The following CHN2 variants were observed in gnomAD, a reference collection of about 807,000 sequenced individuals.
The protein encoded by CHN2 is beta-chimaerin.
A neutral mutation model predicts 56.3 loss-of-function variants in CHN2; 35 were observed. The ratio of observed to expected loss-of-function variants is 0.62; its 90% CI spans 0.47 to 0.82. The LOEUF (loss-of-function observed/expected upper bound fraction) is 0.82. Ranked by LOEUF, CHN2 falls within the 40% of genes least tolerant of loss-of-function variation. The probability of loss-of-function intolerance (pLI) is 0.00; values close to 1 mark genes in which losing one functional copy is unlikely to be tolerated. For synonymous variants in CHN2, 210 were observed against 212.8 expected (o/e 0.99, Z 0.12); for missense variants, 491 against 580.5 (o/e 0.85, Z 1.58).
At chr7:29,342,078 T>C (rs1300893788) in intron 1 of CHN2, among the ~76,000 whole-genome samples, 3 of 152,238 alleles carry the variant, frequency 2.0e-5, no homozygotes, top group Non-Finnish European at 4.4e-5. Flanking sequence ...CCTTTGTTGC[T>C]GGACTGAAGG....
intron 2 of CHN2, among the ~76,000 whole-genome samples, chr7:29,149,718 C>T (rs1793323576): frequency 6.6e-6 from 1 of 152,080 alleles, no homozygotes; most frequent in Non-Finnish European, 1.5e-5. Flanking sequence ...TCCTTCCTCG[C>T]TGCTTCTAGG....
At chr7:29,497,549 T>G (rs1465885037) in intron 8 of CHN2, among the ~76,000 whole-genome samples, 2 of 152,062 alleles carry the variant, frequency 1.3e-5, no homozygotes, top group Non-Finnish European at 2.9e-5. Flanking sequence ...TTCCAATGGC[T>G]ACTTTTTGGC....
At chr7:29,353,525 C>G (rs1182685336) in intron 1 of CHN2, among the ~76,000 whole-genome samples, 1 of 152,120 alleles carries the variant, frequency 6.6e-6, no homozygotes, top group Admixed American at 6.5e-5. Flanking sequence ...TGTGGTGGCG[C>G]ACACCTGTAA....
chr7:29,511,038 G>A (rs1437340789), intron 12 of CHN2, among the ~76,000 whole-genome samples: 1 of 152,160 alleles, frequency 6.6e-6, no homozygotes, highest in African/African-American at 2.4e-5. Context: ...GTGTGCCTCT[G>A]TGTTTTTGAA....
intron 2 of CHN2, among the ~76,000 whole-genome samples, chr7:29,157,148 G>C (rs1183222810): frequency 6.6e-6 from 1 of 152,122 alleles, no homozygotes; most frequent in African/African-American, 2.4e-5. Flanking sequence ...GAATAATGAA[G>C]AGCTGTCTTT....
At chr7:29,403,994 C>T (rs1029640186) in intron 6 of CHN2, among the ~76,000 whole-genome samples, 3 of 152,100 alleles carry the variant, frequency 2.0e-5, no homozygotes, top group East Asian at 1.9e-4. Flanking sequence ...TTGCCAGGTC[C>T]GTAGGGCAGG....
chr7:29,409,005 G>C (rs181042299), intron 6 of CHN2, among the ~76,000 whole-genome samples: 1 of 152,300 alleles, frequency 6.6e-6, no homozygotes, highest in East Asian at 1.9e-4. Flanking sequence ...AAACCTAACG[G>C]ATGTGAAAAT....
chr7:29,274,852 G>A (rs1475867713), intron 1 of CHN2, among the ~76,000 whole-genome samples: 1 of 152,204 alleles, frequency 6.6e-6, no homozygotes, highest in Non-Finnish European at 1.5e-5. Context: ...GCTGGCGGAA[G>A]GATGGTGTCT....
At chr7:29,470,470 T>C (rs188927341) in intron 6 of CHN2, among the ~76,000 whole-genome samples, 1 of 152,336 alleles carries the variant, frequency 6.6e-6, no homozygotes, top group Admixed American at 6.5e-5. Context: ...ATATTTTTAT[T>C]TGTGAAATTT....
intron 6 of CHN2, among the ~76,000 whole-genome samples, chr7:29,402,930 CTT>C (rs10534506): frequency 0.41 from 62,709 of 151,862 alleles, 14,920 homozygotes; most frequent in East Asian, 0.57. Flanking sequence ...TTAATAATCA[CTT>C]TGAATGAGCC....
chr7:29,400,510 C>G, intron 5 of CHN2, 33 bp from the exon 6 acceptor site: 1 of 1,603,570 alleles, frequency 6.2e-7, no homozygotes, highest in Non-Finnish European at 8.5e-7. Flanking sequence ...TTATTTCTAA[C>G]GTGGTTGTAA....
At chr7:29,213,135 A>G (rs1785082586) in intron 1 of CHN2, 7 of 1,557,142 alleles carry the variant, frequency 4.5e-6, no homozygotes, top group Non-Finnish European at 6.1e-6. Context: ...TAATAAGCAA[A>G]TGACTAGGTA....
intron 7 of CHN2, among the ~76,000 whole-genome samples, chr7:29,492,843 T>C (rs1788810814): frequency 6.6e-6 from 1 of 152,216 alleles, no homozygotes; most frequent in Non-Finnish European, 1.5e-5. Context: ...ACTTATTTCA[T>C]TGAACCTCTT....
At chr7:29,263,760 C>T in intron 1 of CHN2, among the ~76,000 whole-genome samples, 1 of 151,924 alleles carries the variant, frequency 6.6e-6, no homozygotes, top group East Asian at 1.9e-4. Flanking sequence ...CCCGCCGCCC[C>T]ATCTGAGATG....
At chr7:29,315,878 G>A (rs1562912036) in intron 1 of CHN2, among the ~76,000 whole-genome samples, 1 of 152,172 alleles carries the variant, frequency 6.6e-6, no homozygotes, top group South Asian at 2.1e-4. Flanking sequence ...ATATCATGGT[G>A]TATGCTGAAA....
exon 2 of CHN2, chr7:29,146,939 C>G: frequency 6.4e-7 from 1 of 1,551,116 alleles, no homozygotes; most frequent in Non-Finnish European, 8.7e-7. Flanking sequence ...CGCTGATGGT[C>G]TACATTCCAG....
At chr7:29,322,350 T>C (rs1415798480) in intron 1 of CHN2, among the ~76,000 whole-genome samples, 1 of 152,242 alleles carries the variant, frequency 6.6e-6, no homozygotes, top group South Asian at 2.1e-4. Context: ...CCCATGACAA[T>C]AGAGATTGGT....
chr7:29,152,253 G>A (rs377407791), intron 2 of CHN2, among the ~76,000 whole-genome samples: 23 of 152,294 alleles, frequency 1.5e-4, no homozygotes, highest in East Asian at 5.8e-4. Context: ...CTTTTTATGC[G>A]TGGCAGCTCA....
chr7:29,478,236 A>G (rs1786771789), intron 6 of CHN2, among the ~76,000 whole-genome samples: 1 of 152,230 alleles, frequency 6.6e-6, no homozygotes, highest in Non-Finnish European at 1.5e-5. Flanking sequence ...CAAGCTACCA[A>G]GGTTAGCAGT....
Sources: allele counts gnomAD v4.1 joint callset (sites outside exome capture counted in the v4.1 genomes callset), GRCh38; gene constraint gnomAD v4.1.1; transcripts MANE v1.5; gene names NCBI Gene and HGNC (gene_info 2026-07-23, HGNC 2026-07-21).